The following SRRM4 variants were observed in gnomAD, a reference collection of about 807,000 sequenced individuals.
The protein encoded by SRRM4 is serine/arginine repetitive matrix 4, also known as serine/arginine repetitive matrix protein 4.
Under a neutral mutation model 68.9 loss-of-function variants are expected in SRRM4, and 33 were observed. That is an observed-to-expected ratio of 0.48 (90% CI 0.36 to 0.64). The LOEUF (loss-of-function observed/expected upper bound fraction) is 0.64. SRRM4 is among the 30% of genes least tolerant of loss of function. The pLI, the probability that SRRM4 is intolerant of heterozygous loss-of-function variation, is 0.00. For synonymous variants in SRRM4, 318 were observed against 318.8 expected, an observed-to-expected ratio of 1.00 and a Z score of 0.03; for missense variants, 817 against 827.1, an observed-to-expected ratio of 0.99 and a Z score of 0.15.
At chr12:119,126,619 T>TC (rs1954262916) in intron 7 of SRRM4, among the ~76,000 whole-genome samples, 1 of 152,194 alleles carries the variant, frequency 6.6e-6, no homozygotes, top group South Asian at 2.1e-4. Context: ...TAACCTGGAC[T>TC]CTCTCTATGC....
In SRRM4 at chr12:119,158,632, T is replaced by A. The variant is rs530210576; in HGVS notation, c.*1834T>A. On this transcript the variant is annotated 3_prime_UTR_variant, in exon 13 of 13. Coordinates refer to ENST00000267260, the MANE Select transcript of SRRM4 (RefSeq NM_194286.4). Reference sequence around the variant, plus strand: ...TCACTGCAGAAGGCCAGATGGCAGGTGCCTGGGACAGGGGCAGGTGCCCCG... The same window carrying A: ...TCACTGCAGAAGGCCAGATGGCAGGAGCCTGGGACAGGGGCAGGTGCCCCG... 1 of 152,480 alleles carries A rather than the reference T, an allele frequency of 6.6e-6. No individual in the cohort carries two copies. The highest frequency in any genetic ancestry group is 1.9e-4 in the East Asian group (1 of 5,178). 9.4% of individuals were successfully genotyped at this position (152,480 alleles called of 1,614,324 possible). A position where few individuals can be genotyped will look rare whatever the true frequency, so the allele number is the denominator to read the frequency against.
chr12:119,027,425 T>G (rs1322489100), intron 1 of SRRM4, among the ~76,000 whole-genome samples: 1 of 152,212 alleles, frequency 6.6e-6, no homozygotes, highest in Non-Finnish European at 1.5e-5. Flanking sequence ...TCAATGGCAA[T>G]TTTCCTTCGT....
At chr12:119,129,837 T>A (rs374061665) in intron 7 of SRRM4, among the ~76,000 whole-genome samples, 1 of 151,276 alleles carries the variant, frequency 6.6e-6, no homozygotes, top group Non-Finnish European at 1.5e-5. Context: ...GGCTGAATGG[T>A]TAGATGGATG....
chr12:118,982,683 T>G (rs539548707), intron 1 of SRRM4, among the ~76,000 whole-genome samples: 26,160 of 134,956 alleles, frequency 0.19, 2,764 homozygotes, highest in Middle Eastern at 0.35. Flanking sequence ...TTTTTTGTTT[T>G]TTTTTTTTTT....
chr12:119,117,615 C>T (rs142992714), intron 4 of SRRM4, among the ~76,000 whole-genome samples: 11 of 152,018 alleles, frequency 7.2e-5, no homozygotes, highest in Middle Eastern at 3.4e-3. Context: ...CACACACACA[C>T]GTGTATGTTT....
intron 4 of SRRM4, 25 bp from the exon 5 acceptor site, chr12:119,120,225 A>AT: frequency 1.4e-5 from 20 of 1,390,404 alleles, no homozygotes; most frequent in East Asian, 5.5e-5. Context: ...TCTTCTTTTC[A>AT]TTTTTTTTCT....
intron 1 of SRRM4, among the ~76,000 whole-genome samples, chr12:119,099,994 G>A (rs1222405009): frequency 2.0e-5 from 3 of 152,118 alleles, no homozygotes; most frequent in African/African-American, 4.8e-5. Context: ...ATTAAGTTCC[G>A]TCTTTTGATC....
chr12:119,063,274 T>C (rs1953825732), intron 1 of SRRM4, among the ~76,000 whole-genome samples: 1 of 152,186 alleles, frequency 6.6e-6, no homozygotes, highest in South Asian at 2.1e-4. Context: ...TGAGACTTTA[T>C]TGTGCATTTA....
chr12:118,984,443 G>T (rs928546419), intron 1 of SRRM4, among the ~76,000 whole-genome samples: 1 of 152,050 alleles, frequency 6.6e-6, no homozygotes, highest in Non-Finnish European at 1.5e-5. Context: ...GATCACAGTC[G>T]GCAAACCAGC....
intron 1 of SRRM4, among the ~76,000 whole-genome samples, chr12:119,072,794 G>A (rs892100197): frequency 1.1e-4 from 16 of 152,120 alleles, no homozygotes; most frequent in Admixed American, 9.2e-4. Flanking sequence ...GAGATTCCAG[G>A]CACTTCACAT....
At chr12:119,004,891 C>T (rs1017560512) in intron 1 of SRRM4, among the ~76,000 whole-genome samples, 8 of 152,076 alleles carry the variant, frequency 5.3e-5, no homozygotes, top group African/African-American at 1.9e-4. Flanking sequence ...ATCCATTTTC[C>T]TTTGTTCCCT....
At chr12:119,021,194 T>C (rs1339951244) in intron 1 of SRRM4, among the ~76,000 whole-genome samples, 1 of 152,160 alleles carries the variant, frequency 6.6e-6, no homozygotes, top group East Asian at 1.9e-4. Flanking sequence ...CTGGTAGAAA[T>C]TGATGCAGTT....
chr12:119,064,683 C>T (rs914998910), intron 1 of SRRM4, among the ~76,000 whole-genome samples: 8 of 152,050 alleles, frequency 5.3e-5, no homozygotes, highest in South Asian at 2.1e-4. Context: ...AGGGGTTTGT[C>T]GGGATAAACT....
chr12:119,151,876 T>C (rs1954441680), intron 10 of SRRM4, among the ~76,000 whole-genome samples: 1 of 152,210 alleles, frequency 6.6e-6, no homozygotes, highest in Non-Finnish European at 1.5e-5. Flanking sequence ...GCATCCCTTC[T>C]GCTATTCTAT....
intron 1 of SRRM4, among the ~76,000 whole-genome samples, chr12:119,072,641 G>A (rs558907399): frequency 4.9e-5 from 7 of 142,730 alleles, no homozygotes; most frequent in South Asian, 2.2e-4. Context: ...CAGAGACGTC[G>A]GACACCACCA....
intron 2 of SRRM4, among the ~76,000 whole-genome samples, chr12:119,109,172 A>C (rs1592901068): frequency 6.6e-6 from 1 of 152,034 alleles, no homozygotes; most frequent in African/African-American, 2.4e-5. Flanking sequence ...TGGCTTGTAG[A>C]GTTTCTGCCG....
At chr12:118,998,249 G>A (rs761523262) in intron 1 of SRRM4, among the ~76,000 whole-genome samples, 5 of 104,432 alleles carry the variant, frequency 4.8e-5, no homozygotes, top group Non-Finnish European at 7.4e-5. Flanking sequence ...GTGCAACTGA[G>A]TGGATAAGAG....
At chr12:119,049,131 G>A (rs1953725648) in intron 1 of SRRM4, among the ~76,000 whole-genome samples, 1 of 152,198 alleles carries the variant, frequency 6.6e-6, no homozygotes, top group Admixed American at 6.5e-5. Flanking sequence ...TAAATACACA[G>A]TGTGAAGGAG....
intron 9 of SRRM4, among the ~76,000 whole-genome samples, chr12:119,149,636 A>G (rs1260045168): frequency 6.6e-6 from 1 of 152,242 alleles, no homozygotes; most frequent in African/African-American, 2.4e-5. Context: ...AGCCAGAATC[A>G]TAAGTAGGAG....
Sources: gnomAD v4.1 joint callset for allele counts (sites outside exome capture counted in the v4.1 genomes callset) on GRCh38, gnomAD v4.1.1 for gene constraint, MANE v1.5 for transcripts, NCBI Gene and HGNC (gene_info 2026-07-23, HGNC 2026-07-21) for gene names.